Variants in TLCD4 observed in about 807,000 individuals in gnomAD.
TLCD4 encodes TLC domain containing 4, also known as TLC domain-containing protein 4.
Under a neutral mutation model 24.2 loss-of-function variants are expected in TLCD4, and 7 were observed. The ratio of observed to expected loss-of-function variants is 0.29; its 90% CI spans 0.16 to 0.54. The LOEUF (loss-of-function observed/expected upper bound fraction) is 0.54. Among genes scored for constraint, TLCD4 ranks in the 20% least tolerant of loss-of-function variants. The pLI, the probability that TLCD4 is intolerant of heterozygous loss-of-function variation, is 0.95. For missense variants in TLCD4, 259 were observed against 313.9 expected (o/e 0.82, Z 1.32); for synonymous variants, 103 against 106.4 (o/e 0.97, Z 0.20).
At chr1:95,122,618 C>G (rs1281607607) in intron 1 of TLCD4, among the ~76,000 whole-genome samples, 1 of 152,212 alleles carries the variant, frequency 6.6e-6, no homozygotes, top group Non-Finnish European at 1.5e-5. Flanking sequence ...CCCCTATCCC[C>G]CACCAACTGC....
chr1:95,151,689 C>T (rs1677497738), intron 5 of TLCD4, among the ~76,000 whole-genome samples: 1 of 152,060 alleles, frequency 6.6e-6, no homozygotes, highest in Non-Finnish European at 1.5e-5. Flanking sequence ...TTAAAACCTT[C>T]AGGATTGTTG....
upstream of TLCD4, among the ~76,000 whole-genome samples, chr1:95,116,696 C>G (rs1342165478): frequency 6.6e-6 from 1 of 152,186 alleles, no homozygotes; most frequent in Non-Finnish European, 1.5e-5. Context: ...CAAACTTTAT[C>G]TACTAGGCAA....
At chr1:95,146,141 A>T (rs1463069350) in intron 2 of TLCD4, among the ~76,000 whole-genome samples, 2 of 152,048 alleles carry the variant, frequency 1.3e-5, no homozygotes, top group African/African-American at 2.4e-5. Context: ...ATGAGTTGAG[A>T]GTGGTCTGAG....
At chr1:95,141,482 C>T (rs1178326318) in intron 1 of TLCD4, among the ~76,000 whole-genome samples, 1 of 152,166 alleles carries the variant, frequency 6.6e-6, no homozygotes, top group Non-Finnish European at 1.5e-5. Context: ...AGATTAGATT[C>T]TCCATTCTCT....
chr1:95,180,016 C>T (rs1571779455), intron 6 of TLCD4, among the ~76,000 whole-genome samples: 1 of 152,234 alleles, frequency 6.6e-6, no homozygotes, highest in Admixed American at 6.5e-5. Context: ...TTTTATGTTT[C>T]CTATTTATCT....
chr1:95,158,976 G>A (rs564949699), intron 5 of TLCD4, among the ~76,000 whole-genome samples: 47 of 152,230 alleles, frequency 3.1e-4, no homozygotes, highest in South Asian at 2.1e-3. Context: ...ATACGTGTGC[G>A]TGTGTCTTTA....
chr1:95,093,631 C>T, the TLCD4 span, among the ~76,000 whole-genome samples: 1 of 152,200 alleles, frequency 6.6e-6, no homozygotes, highest in Non-Finnish European at 1.5e-5. Context: ...CTTTGTTAGC[C>T]TTCACCTTCA....
Position 95,138,433 on chromosome 1 carries a change from A to ACAGT in TLCD4, c.-11-5455_-11-5452dup, listed in dbSNP as rs1410670837. 2.6e-5 allele frequency: 4 copies of ACAGT among 152,154 alleles called. No individual in the cohort carries two copies. In the South Asian group the frequency reaches 6.2e-4, roughly 24 times the overall value. The allele number at this position is 152,154 out of a possible 1,614,324, so 9.4% of individuals were successfully genotyped here. On this transcript the variant is annotated intron_variant, in intron 1 of 6. Coordinates refer to ENST00000370203, the MANE Select transcript of TLCD4 (RefSeq NM_152487.3). ...CTCATAGCTGATAGTTAAGACATGT[A>ACAGT]CAGTCATGCATTGCTTAACAATGGG... is the stretch of plus-strand genomic sequence containing the variant.
chr1:95,179,979 A>AT (rs1678576674), intron 6 of TLCD4, among the ~76,000 whole-genome samples: 1 of 152,192 alleles, frequency 6.6e-6, no homozygotes, highest in Non-Finnish European at 1.5e-5. Flanking sequence ...ACTATACTTA[A>AT]TGTATTTTAT....
the TLCD4 span, among the ~76,000 whole-genome samples, chr1:95,100,578 A>AAAT: frequency 3.3e-5 from 5 of 152,262 alleles, no homozygotes; most frequent in African/African-American, 7.2e-5. Flanking sequence ...CTGTCTCAAA[A>AAAT]AATAATAATA....
chr1:95,132,456 CAAAAA>C (rs34887671), intron 1 of TLCD4, among the ~76,000 whole-genome samples: 1 of 72,466 alleles, frequency 1.4e-5, no homozygotes. Flanking sequence ...GACTCCAACT[CAAAAA>C]AAAAAAAAAA....
intron 4 of TLCD4, 136 bp downstream of exon 4, chr1:95,150,402 A>T (rs905052950): frequency 1.2e-5 from 13 of 1,056,574 alleles, no homozygotes; most frequent in Non-Finnish European, 1.7e-5. Flanking sequence ...AATACCTCCC[A>T]TGATGGTAGA....
chr1:95,096,362 A>G, the TLCD4 span, among the ~76,000 whole-genome samples: 7 of 152,164 alleles, frequency 4.6e-5, no homozygotes, highest in Non-Finnish European at 1.0e-4. Context: ...AACTATGACC[A>G]TCTGGCCCAC....
At chr1:95,113,213 T>C (rs1676371650), upstream of TLCD4, among the ~76,000 whole-genome samples, 1 of 150,916 alleles carries the variant, frequency 6.6e-6, no homozygotes, top group Admixed American at 6.6e-5. Flanking sequence ...CAGCTACTTT[T>C]CGTATTTTTA....
At chr1:95,172,476 A>G (rs10747466) in intron 5 of TLCD4, among the ~76,000 whole-genome samples, 60,579 of 151,992 alleles carry the variant, frequency 0.4, 13,441 homozygotes, top group East Asian at 0.62. Context: ...GCTGTGCCCT[A>G]GTTGACTCTC....
chr1:95,147,918 A>G (rs1451605441), intron 2 of TLCD4, among the ~76,000 whole-genome samples: 3 of 152,184 alleles, frequency 2.0e-5, no homozygotes, highest in Non-Finnish European at 1.5e-5. Flanking sequence ...TAAATTTATT[A>G]ACAAGATATA....
intron 5 of TLCD4, among the ~76,000 whole-genome samples, chr1:95,159,193 C>T (rs143800345): frequency 0.022 from 3,352 of 152,190 alleles, 91 homozygotes; most frequent in African/African-American, 0.063. Flanking sequence ...TTTTAATGAT[C>T]GCCATTCTAA....
At chr1:95,121,466 A>T (rs1223979602) in intron 1 of TLCD4, among the ~76,000 whole-genome samples, 1 of 152,166 alleles carries the variant, frequency 6.6e-6, no homozygotes, top group African/African-American at 2.4e-5. Context: ...AGAGAATTTG[A>T]AAAGTATTCT....
rs972589890 is a variant in TLCD4, at chr1:95,194,900, C to G, written c.*3032C>G. ...GAGTGCAAAGAAATTGACTTCTGCT[C>G]AAATATGTGTTGATACCCTACAGTA... is the stretch of plus-strand genomic sequence containing the variant. On this transcript the variant is annotated 3_prime_UTR_variant, in exon 7 of 7. Transcript: ENST00000370203. 6.6e-6 allele frequency: 1 copy of G among 152,090 alleles called. No individual in the cohort carries two copies. The highest frequency in any genetic ancestry group is 1.5e-5 in the Non-Finnish European group (1 of 68,002). 9.4% of individuals were successfully genotyped at this position (152,090 alleles called of 1,614,324 possible).
Sources: allele counts gnomAD v4.1 joint callset (sites outside exome capture counted in the v4.1 genomes callset), GRCh38; gene constraint gnomAD v4.1.1; transcripts MANE v1.5; gene names NCBI Gene and HGNC (gene_info 2026-07-23, HGNC 2026-07-21).